Variants in ARHGAP10 observed in about 807,000 individuals in gnomAD.
ARHGAP10 encodes rho GTPase-activating protein 10.
ARHGAP10 carries 87 observed loss-of-function variants against 108.6 expected under a neutral mutation model. That is an observed-to-expected ratio of 0.80 (90% CI 0.67 to 0.96). The LOEUF (loss-of-function observed/expected upper bound fraction) is 0.96. ARHGAP10 is among the 40% of genes least tolerant of loss of function. The pLI, the probability that ARHGAP10 is intolerant of heterozygous loss-of-function variation, is 0.00. For synonymous variants in ARHGAP10, 347 were observed against 341.1 expected, an observed-to-expected ratio of 1.02 and a Z score of -0.19; for missense variants, 939 against 954.5, an observed-to-expected ratio of 0.98 and a Z score of 0.21.
At chr4:147,806,590 G>A (rs1439877472) in intron 1 of ARHGAP10, among the ~76,000 whole-genome samples, 1 of 152,044 alleles carries the variant, frequency 6.6e-6, no homozygotes, top group African/African-American at 2.4e-5. Context: ...AGAAAGTATT[G>A]CTGTGGGAAA....
At chr4:148,020,295 T>C (rs532223738) in intron 18 of ARHGAP10, among the ~76,000 whole-genome samples, 1 of 152,356 alleles carries the variant, frequency 6.6e-6, no homozygotes, top group East Asian at 1.9e-4. Context: ...TGGTGTTTTT[T>C]TTCCCTTCAG....
intron 15 of ARHGAP10, among the ~76,000 whole-genome samples, chr4:147,952,650 A>C (rs918654606): frequency 6.6e-6 from 1 of 152,230 alleles, no homozygotes; most frequent in East Asian, 1.9e-4. Flanking sequence ...ATATATTTTG[A>C]GTACAAGTCC....
At chr4:147,755,471 C>T (rs530490747) in intron 1 of ARHGAP10, among the ~76,000 whole-genome samples, 3 of 151,660 alleles carry the variant, frequency 2.0e-5, no homozygotes, top group South Asian at 2.1e-4. Context: ...TGCGGTGAGC[C>T]GAGATCACGC....
intron 18 of ARHGAP10, among the ~76,000 whole-genome samples, chr4:147,991,010 G>A (rs999378127): frequency 1.3e-5 from 2 of 151,966 alleles, no homozygotes; most frequent in African/African-American, 2.4e-5. Flanking sequence ...GAGAGACCCT[G>A]TCTCAATAGA....
At chr4:147,813,817 TAAC>T (rs1416374832) in intron 1 of ARHGAP10, among the ~76,000 whole-genome samples, 1 of 152,194 alleles carries the variant, frequency 6.6e-6, no homozygotes, top group Non-Finnish European at 1.5e-5. Context: ...GGTCCTAACT[TAAC>T]AGCAGCTATA....
At position 148,018,095 on chromosome 4, in the gene ARHGAP10, T is replaced by G. The variant is rs868536649; in HGVS notation, c.1717-5168T>G. Reference sequence around the variant, plus strand: ...ATGCCTACGCGTGGAGTGTTTTTTGTCATTGGATTGTCAGACTTGAGTTTT... The same window carrying G: ...ATGCCTACGCGTGGAGTGTTTTTTGGCATTGGATTGTCAGACTTGAGTTTT... On this transcript the variant is annotated intron_variant, in intron 18 of 22. Coordinates refer to ENST00000336498, the MANE Select transcript of ARHGAP10 (RefSeq NM_024605.4). 3.3e-5 allele frequency among the ~76,000 whole-genome samples: 5 copies of G among 152,272 alleles called. No homozygotes were observed. In the Middle Eastern group the frequency reaches 0.01, roughly 311 times the overall value.
chr4:147,847,272 T>C, intron 4 of ARHGAP10, 50 bp downstream of exon 4: 2 of 1,470,406 alleles, frequency 1.4e-6, no homozygotes, highest in Non-Finnish European at 1.9e-6. Flanking sequence ...CCTCTGCTGC[T>C]TCATGGTACA....
intron 18 of ARHGAP10, among the ~76,000 whole-genome samples, chr4:147,994,702 T>C (rs945498452): frequency 6.6e-6 from 1 of 152,240 alleles, no homozygotes; most frequent in African/African-American, 2.4e-5. Context: ...ATTTCTAGGC[T>C]ATCCCATTCT....
chr4:147,897,194 T>A (rs1736028174), intron 10 of ARHGAP10, among the ~76,000 whole-genome samples: 1 of 151,780 alleles, frequency 6.6e-6, no homozygotes, highest in African/African-American at 2.4e-5. Context: ...TTGAGTTCTG[T>A]TTTTAAAAAA....
chr4:147,854,902 T>A, intron 4 of ARHGAP10: 1 of 979,854 alleles, frequency 1.0e-6, no homozygotes, highest in Non-Finnish European at 1.2e-6. Flanking sequence ...AAAGGCTTGA[T>A]GTCTCCTTTT....
chr4:147,965,639 G>A (rs993866935), intron 17 of ARHGAP10, among the ~76,000 whole-genome samples: 4 of 152,160 alleles, frequency 2.6e-5, no homozygotes, highest in Non-Finnish European at 2.9e-5. Flanking sequence ...GCTGAAGAAC[G>A]CTATATTTTA....
At chr4:148,033,138 C>G (rs1382361956) in intron 19 of ARHGAP10, among the ~76,000 whole-genome samples, 1 of 151,260 alleles carries the variant, frequency 6.6e-6, no homozygotes, top group African/African-American at 2.4e-5. Context: ...TTGTTTTTTT[C>G]AAATTTTATA....
chr4:147,959,582 T>A (rs1738918376), intron 16 of ARHGAP10, among the ~76,000 whole-genome samples: 1 of 152,112 alleles, frequency 6.6e-6, no homozygotes, highest in Non-Finnish European at 1.5e-5. Context: ...GTGTTCTCAT[T>A]GTTCAATTCC....
intron 13 of ARHGAP10, among the ~76,000 whole-genome samples, chr4:147,919,950 A>AG (rs1737167739): frequency 6.6e-6 from 1 of 152,046 alleles, no homozygotes; most frequent in South Asian, 2.1e-4. Flanking sequence ...TGGACTGGGA[A>AG]GTAGGATTCT....
chr4:147,999,124 G>T (rs1740593202), intron 18 of ARHGAP10, among the ~76,000 whole-genome samples: 1 of 152,206 alleles, frequency 6.6e-6, no homozygotes, highest in East Asian at 1.9e-4. Context: ...TAGCTGGGAA[G>T]GTGAGGGCAT....
intron 6 of ARHGAP10, chr4:147,865,225 C>T (rs1734506504): frequency 3.1e-6 from 1 of 321,136 alleles, no homozygotes. Flanking sequence ...ATTTCTGCCA[C>T]CTTAGCCTAT....
rs565219275 is a variant in ARHGAP10 at position 147,816,344 on chromosome 4, T to C, written c.155-6383T>C. On this transcript the variant is annotated intron_variant, in intron 1 of 22. Transcript: ENST00000336498. ...TTTGGTTGTCTGTCATGTGCAATATTGGCCTTGAGCTCTGTGCTCCAGGTT... is the reference window on the plus strand; with the variant it reads ...TTTGGTTGTCTGTCATGTGCAATATCGGCCTTGAGCTCTGTGCTCCAGGTT... Among the ~76,000 whole-genome samples, 16 of 152,346 alleles carry C rather than the reference T, an allele frequency of 1.1e-4. No homozygotes were observed. The South Asian group carries it at 2.7e-3, about 26-fold the overall frequency.
chr4:147,792,447 A>G lies in ARHGAP10; in HGVS notation c.155-30280A>G, dbSNP rs759970178. Among the ~76,000 whole-genome samples, 11 of 152,162 alleles carry G rather than the reference A, an allele frequency of 7.2e-5. 1 individual carries two copies. In the South Asian group the frequency reaches 1.9e-3, roughly 26 times the overall value. Reference sequence around the variant, plus strand: ...AATCATAATCCTTGATTCACAACCCATTATTATCATTTGTGTTTGCATGGC... The same window carrying G: ...AATCATAATCCTTGATTCACAACCCGTTATTATCATTTGTGTTTGCATGGC... On this transcript the variant is annotated intron_variant, in intron 1 of 22. Transcript: ENST00000336498.
intron 18 of ARHGAP10, among the ~76,000 whole-genome samples, chr4:148,005,933 T>C (rs1269343506): frequency 6.6e-6 from 1 of 152,232 alleles, no homozygotes. Context: ...GTGAAACAAA[T>C]ACATGTATCT....
Sources: gnomAD v4.1 joint callset for allele counts (sites outside exome capture counted in the v4.1 genomes callset) on GRCh38, gnomAD v4.1.1 for gene constraint, MANE v1.5 for transcripts, NCBI Gene and HGNC (gene_info 2026-07-23, HGNC 2026-07-21) for gene names.